Variants in MUC4 observed in about 807,000 individuals in gnomAD.
MUC4 encodes the protein mucin-4.
MUC4 carries 202 observed loss-of-function variants against 257.9 expected under a neutral mutation model. That is an observed-to-expected ratio of 0.78 (90% CI 0.70 to 0.88). MUC4 has a LOEUF of 0.88. Ranked by LOEUF, MUC4 falls within the 40% of genes least tolerant of loss-of-function variation. The pLI is 0.00. For missense variants in MUC4, 5,976 were observed against 6,513.7 expected (o/e 0.92, Z 2.84); for synonymous variants, 2,351 against 2,757.1 (o/e 0.85, Z 4.62).
intron 1 of MUC4, among the ~76,000 whole-genome samples, chr3:195,802,996 C>A (rs780102707): frequency 1.3e-4 from 20 of 152,130 alleles, no homozygotes; most frequent in Middle Eastern, 3.4e-3. Context: ...CGTCTGTACA[C>A]ACTCCCTCCC....
rs1313613135 is a variant in MUC4, at chr3:195,788,226, G to A, written c.3354C>T (p.Thr1118=). The A allele has an allele frequency of 3.4e-6, 5 of 1,475,338 alleles. No homozygotes were observed. In the African/African-American group the frequency reaches 5.6e-5, roughly 17 times the overall value. The allele number at this position is 1,475,338 out of a possible 1,614,324, so 91.4% of individuals were successfully genotyped here. Residue 1118 remains threonine, a synonymous_variant, in exon 2 of 25, where the codon ACC becomes ACT. Coordinates refer to ENST00000463781, the MANE Select transcript of MUC4 (RefSeq NM_018406.7). ...TDTSSVSTGH[T]TPLPVTDTSS... Reference sequence around the variant, plus strand: ...AAGTGTCGGTGACAGGAAGAGGGGTGGTGTGACCTGTGGATACTGAGGAAG... The same window carrying A: ...AAGTGTCGGTGACAGGAAGAGGGGTAGTGTGACCTGTGGATACTGAGGAAG...
chr3:195,805,358 G>A (rs1034264618), intron 1 of MUC4, among the ~76,000 whole-genome samples: 2 of 151,992 alleles, frequency 1.3e-5, no homozygotes, highest in African/African-American at 2.4e-5. Context: ...ACCAAAATCC[G>A]GCTGTGAGCA....
In MUC4 at chr3:195,783,219, G is replaced by T. The variant is rs769845578; in HGVS notation, c.8361C>A (p.Val2787=). ...VSTGHATPLH[V]TSPSSASTGH... ...CTGTGGATGCTGAGGAAGGGCTGGT[G>T]ACATGAAGAGGGGTGGCGTGACCTG... The change falls in exon 2 of 25, where the codon GTC becomes GTA. Residue 2787 remains valine (V), a synonymous_variant. Transcript: ENST00000463781. The T allele has an allele frequency of 3.9e-4, 536 of 1,367,488 alleles. No individual in the cohort carries two copies. The highest frequency in any genetic ancestry group is 5.0e-4 in the Non-Finnish European group (500 of 996,434). The allele number at this position is 1,367,488 out of a possible 1,614,324, so 84.7% of individuals were successfully genotyped here.
Position 195,780,280 on chromosome 3 carries a change from G to C in MUC4, c.11300C>G (p.Ser3767Cys). 6.5e-7 allele frequency: 1 copy of C among 1,530,538 alleles called. No individual in the cohort carries two copies. Among genetic ancestry groups the C allele is most frequent in the Non-Finnish European group, 8.8e-7 (1 of 1,131,802 alleles). 94.8% of individuals were successfully genotyped at this position (1,530,538 alleles called of 1,614,324 possible). A position where few individuals can be genotyped will look rare whatever the true frequency, so the allele number is the denominator to read the frequency against. ...HATPLLVTDA[S>C]SVSTGHATPL... is the part of the protein sequence containing the mutation. The stretch of plus-strand genomic sequence containing the variant: ...CGTGGCGTGACCTGTGGACACTGAG[G>C]AAGCGTCGGTGACAAGAAGAGGGGT... The change falls in exon 2 of 25, where the codon TCC (serine) becomes TGC (cysteine). Residue 3767 changes from serine (S) to cysteine (C), a missense_variant. By Grantham distance (112) the Ser-to-Cys change is moderately radical. Transcript: ENST00000463781.
chr3:195,808,977 A>T (rs1427608801), intron 1 of MUC4, among the ~76,000 whole-genome samples: 1 of 152,088 alleles, frequency 6.6e-6, no homozygotes, highest in African/African-American at 2.4e-5. Context: ...CCTGCCCTGC[A>T]CTTGCTCCAG....
At position 195,747,969 on chromosome 3, in the gene MUC4, C is replaced by T. The variant is rs370983274; in HGVS notation, c.16035-589G>A. Among the ~76,000 whole-genome samples, 11 of 152,300 alleles carry T rather than the reference C, an allele frequency of 7.2e-5. No individual in the cohort carries two copies. In the East Asian group the frequency reaches 1.2e-3, roughly 16 times the overall value. ...TGGGCATGCGCAGTCACACCCCCGC[C>T]CCAGCCCGGCCCCGCCCCGCCCCGC... On this transcript the variant is annotated intron_variant, in intron 24 of 24. Transcript: ENST00000463781.
chr3:195,762,509 C>CGGCCCTGCACCGCCACGCACCG (rs1170154991), intron 13 of MUC4, among the ~76,000 whole-genome samples: 14 of 144,840 alleles, frequency 9.7e-5, no homozygotes, highest in African/African-American at 1.9e-4. Context: ...ACAACGCACT[C>CGGCCCTGCACCGCCACGCACCG]GGCCCTGCAC....
chr3:195,796,960 T>C (rs79041178), intron 1 of MUC4, among the ~76,000 whole-genome samples: 3,838 of 151,430 alleles, frequency 0.025, 153 homozygotes, highest in African/African-American at 0.087. Flanking sequence ...AAGTGCATCA[T>C]GGCCGGGCGC....
chr3:195,761,247 C>A, intron 15 of MUC4, 130 bp from the exon 16 acceptor site: 1 of 851,006 alleles, frequency 1.2e-6, no homozygotes. Flanking sequence ...CGGTTTCCAG[C>A]TTCTGAGTCT....
In MUC4 at chr3:195,783,811, G is replaced by A. The variant is rs1401338611; in HGVS notation, c.7769C>T (p.Thr2590Ile). 7.0e-7 allele frequency: 1 copy of A among 1,435,676 alleles called. No homozygotes were observed. Among genetic ancestry groups the A allele is most frequent in the Non-Finnish European group, 9.5e-7 (1 of 1,056,728 alleles). 88.9% of individuals were successfully genotyped at this position (1,435,676 alleles called of 1,614,324 possible). ...AGTGTCGGTGACAGGAAGAGGGGTG[G>A]TGTCACCTGTGGATGCTGAGGAAGT... ...TSTSSASTGD[T>I]TPLPVTDTYS... is the part of the protein sequence containing the mutation. Residue 2590 changes from threonine (T) to isoleucine (I), a missense_variant, in exon 2 of 25, where the codon ACC (threonine) becomes ATC (isoleucine). Thr to Ile is a moderately conservative substitution (Grantham distance 89, BLOSUM62 -1). Coordinates refer to ENST00000463781, the MANE Select transcript of MUC4 (RefSeq NM_018406.7).
intron 20 of MUC4, 148 bp from the exon 21 acceptor site, chr3:195,752,594 T>G: frequency 1.6e-6 from 1 of 625,818 alleles, no homozygotes; most frequent in Non-Finnish European, 2.9e-6. Flanking sequence ...CACCCTACAT[T>G]CCACAGTGAC....
At position 195,779,751 on chromosome 3, in the gene MUC4, G is replaced by C. The variant is rs775449127; in HGVS notation, c.11829C>G (p.Ser3943=). The C allele has an allele frequency of 7.3e-7, 1 of 1,377,208 alleles. No homozygotes were observed. The highest frequency in any genetic ancestry group is 1.3e-5 in the South Asian group (1 of 77,606). The allele number at this position is 1,377,208 out of a possible 1,614,324, so 85.3% of individuals were successfully genotyped here. A position where few individuals can be genotyped will look rare whatever the true frequency, so the allele number is the denominator to read the frequency against. ...GGGTGGTGTCACCTGTGGATGCTGAGGAAGTGCTGGTGACAGGAAGAGGGG... is the reference window on the plus strand; with the variant it reads ...GGGTGGTGTCACCTGTGGATGCTGACGAAGTGCTGGTGACAGGAAGAGGGG... ...HATPLPVTST[S]SASTGDTTPL... is the part of the protein sequence containing the mutation. The change falls in exon 2 of 25, where the codon TCC becomes TCG. Residue 3943 remains serine, a synonymous_variant. Coordinates refer to ENST00000463781, the MANE Select transcript of MUC4 (RefSeq NM_018406.7).
chr3:195,767,877 T>TCACCACCATCATTGC lies in MUC4; in HGVS notation c.13530-1127_13530-1126insGCAATGATGGTGGTG, dbSNP rs1553861245. ...ACCATCACCCCCAACACCACCACCA[T>TCACCACCATCATTGC]CACCACCATCACCACCACCATCACC... On this transcript the variant is annotated intron_variant, in intron 7 of 24. Coordinates refer to ENST00000463781, the MANE Select transcript of MUC4 (RefSeq NM_018406.7). Among the ~76,000 whole-genome samples, 23 of 74,802 alleles carry TCACCACCATCATTGC rather than the reference T, an allele frequency of 3.1e-4. 1 individual carries two copies. The highest frequency in any genetic ancestry group is 1.2e-3 in the African/African-American group (21 of 16,916). 49.1% of individuals were successfully genotyped at this position (74,802 alleles called of 152,430 possible).
chr3:195,803,632 T>C (rs1441552591), intron 1 of MUC4, among the ~76,000 whole-genome samples: 1 of 152,222 alleles, frequency 6.6e-6, no homozygotes, highest in Admixed American at 6.5e-5. Flanking sequence ...ATCTTGTTAA[T>C]AGCGGCCCCA....
Position 195,788,760 on chromosome 3 carries a change from T to C in MUC4, c.2820A>G (p.Pro940=), listed in dbSNP as rs766417331. Residue 940 remains proline, a synonymous_variant, in exon 2 of 25, where the codon CCA becomes CCG. Transcript: ENST00000463781. The stretch of plus-strand genomic sequence containing the variant: ...ATGTAAGCCCAGTGGATGTGATCGA[T>C]GGAGGTGTGGGTGGGACTGTTGAGA... The part of the protein sequence containing the change: ...DTFSTVPPTP[P]SITSTGLTSP... 4 of 1,613,546 alleles carry C rather than the reference T, an allele frequency of 2.5e-6. No individual in the cohort carries two copies. Among genetic ancestry groups the C allele is most frequent in the Non-Finnish European group, 2.5e-6 (3 of 1,179,740 alleles).
At chr3:195,776,462 A>T (rs1345697573) in intron 3 of MUC4, among the ~76,000 whole-genome samples, 35 of 25,764 alleles carry the variant, frequency 1.4e-3, no homozygotes, top group Non-Finnish European at 1.6e-3. Context: ...TTCCGCACCC[A>T]TACCTTCCAC....
At chr3:195,759,377 C>A in intron 16 of MUC4, 116 bp from the exon 17 acceptor site, 1 of 1,353,226 alleles carries the variant, frequency 7.4e-7, no homozygotes, top group Non-Finnish European at 1.0e-6. Context: ...TGACCCACCT[C>A]TGGAAGAAGG....
chr3:195,800,253 GGGC>G (rs1735122274), intron 1 of MUC4, among the ~76,000 whole-genome samples: 1 of 152,038 alleles, frequency 6.6e-6, no homozygotes. Flanking sequence ...ACTCCAGCCT[GGGC>G]GACAGAGCGG....
At position 195,811,887 on chromosome 3, in the gene MUC4, G is replaced by A; in HGVS notation, c.-70C>T. The A allele has an allele frequency of 6.8e-7, 1 of 1,478,340 alleles. No individual in the cohort carries two copies. The highest frequency in any genetic ancestry group is 1.4e-5 in the African/African-American group (1 of 72,458). 91.6% of individuals were successfully genotyped at this position (1,478,340 alleles called of 1,614,324 possible). On this transcript the variant is annotated 5_prime_UTR_variant, in exon 1 of 25. Transcript: ENST00000463781. ...CCCAGCAGCTGCAGTGTGAGGAGCA[G>A]ACGTGAGCCCGTCCCCTCAGGCGGC... is the stretch of plus-strand genomic sequence containing the variant.
Sources: gnomAD v4.1 joint callset for allele counts (sites outside exome capture counted in the v4.1 genomes callset) on GRCh38, gnomAD v4.1.1 for gene constraint, MANE v1.5 for transcripts, NCBI Gene and HGNC (gene_info 2026-07-23, HGNC 2026-07-21) for gene names.